Variants in GRM4 observed in about 807,000 individuals in gnomAD.
GRM4 encodes the protein metabotropic glutamate receptor 4.
A neutral mutation model predicts 81.7 loss-of-function variants in GRM4; 28 were observed. The observed-to-expected ratio is 0.34, with a 90% confidence interval of 0.25 to 0.47. The LOEUF (loss-of-function observed/expected upper bound fraction) is 0.47, where lower values mean the gene tolerates loss of function less well. Ranked by LOEUF, GRM4 falls within the 20% of genes least tolerant of loss-of-function variation. The pLI is 1.00. For synonymous variants in GRM4, 488 were observed against 528.8 expected, an observed-to-expected ratio of 0.92 and a Z score of 1.06; for missense variants, 948 against 1,290.0, an observed-to-expected ratio of 0.73 and a Z score of 4.06.
intron 6 of GRM4, among the ~76,000 whole-genome samples, chr6:34,044,269 T>TAC (rs1454187461): frequency 1.0e-5 from 1 of 99,914 alleles, no homozygotes; most frequent in African/African-American, 5.2e-5. Context: ...TACATACACA[T>TAC]ATACACATAC....
intron 2 of GRM4, among the ~76,000 whole-genome samples, chr6:34,097,291 A>G (rs1324181803): frequency 6.6e-6 from 1 of 152,054 alleles, no homozygotes; most frequent in Non-Finnish European, 1.5e-5. Context: ...ATTTGAGGCC[A>G]AGGTGTTCCA....
chr6:34,026,557 G>C (rs2127435178), intron 10 of GRM4, among the ~76,000 whole-genome samples: 2 of 152,212 alleles, frequency 1.3e-5, no homozygotes, highest in Middle Eastern at 3.4e-3. Flanking sequence ...GAGACCCCCA[G>C]GCCCCTCTGG....
At position 34,035,537 on chromosome 6, in the gene GRM4, A is replaced by AAAGAAGGCAGAATGAGTCAT. The variant is rs1562012195; in HGVS notation, c.2442+130_2442+131insATGACTCATTCTGCCTTCTT. 2 of 588,130 alleles carry AAAGAAGGCAGAATGAGTCAT rather than the reference A, an allele frequency of 3.4e-6. No individual in the cohort carries two copies. The highest frequency in any genetic ancestry group is 3.0e-6 in the Non-Finnish European group (1 of 332,862). 36.4% of individuals were successfully genotyped at this position (588,130 alleles called of 1,614,324 possible). A position where few individuals can be genotyped will look rare whatever the true frequency, so the allele number is the denominator to read the frequency against. ...GCATGAAAGAAGGCAGAATGAGGCAAGAAAGAAGGCAGAATGAGGCATGAA... is the reference window on the plus strand; with the variant it reads ...GCATGAAAGAAGGCAGAATGAGGCAAAAGAAGGCAGAATGAGTCATGAAAGAAGGCAGAATGAGGCATGAA... On this transcript the variant is annotated intron_variant, in intron 9 of 10. Transcript: ENST00000538487. The surrounding 1 kb of genome is among the most constrained non-coding windows in gnomAD (Gnocchi z 6.6).
chr6:34,038,268 C>G (rs1448470387), intron 8 of GRM4, among the ~76,000 whole-genome samples: 2 of 152,272 alleles, frequency 1.3e-5, no homozygotes, highest in Non-Finnish European at 2.9e-5. Flanking sequence ...GTTTTCTCAT[C>G]TGATCCAATG....
rs540052024 is a variant in GRM4 at position 34,018,807 on chromosome 6, G to T, written c.*4014C>A. On this transcript the variant is annotated 3_prime_UTR_variant, in exon 11 of 11. Transcript: ENST00000538487. ...GGTGCCGAGTGCCATTTAGTGCTGGGTTGGGGGTGGGGGTCTGAGCCCTGT... is the reference window on the plus strand; with the variant it reads ...GGTGCCGAGTGCCATTTAGTGCTGGTTTGGGGGTGGGGGTCTGAGCCCTGT... 4.0e-5 allele frequency: 6 copies of T among 151,764 alleles called. No homozygotes were observed. In the South Asian group the frequency reaches 6.3e-4, roughly 16 times the overall value. The allele number at this position is 151,764 out of a possible 1,614,324, so 9.4% of individuals were successfully genotyped here. A position where few individuals can be genotyped will look rare whatever the true frequency, so the allele number is the denominator to read the frequency against.
At chr6:34,086,190 G>C (rs1767879594) in intron 3 of GRM4, among the ~76,000 whole-genome samples, 1 of 152,240 alleles carries the variant, frequency 6.6e-6, no homozygotes, top group Non-Finnish European at 1.5e-5. Context: ...TTTACAGCCA[G>C]GGACGCCACA....
upstream of GRM4, among the ~76,000 whole-genome samples, chr6:34,146,854 G>A (rs1461657634): frequency 6.6e-6 from 1 of 152,186 alleles, no homozygotes; most frequent in Admixed American, 6.5e-5. Flanking sequence ...GAGGGTCTGG[G>A]AATAACAGGG....
intron 6 of GRM4, among the ~76,000 whole-genome samples, chr6:34,045,587 G>C (rs906365043): frequency 6.6e-6 from 1 of 152,212 alleles, no homozygotes; most frequent in Non-Finnish European, 1.5e-5. Context: ...TTTAGCCGCT[G>C]ACCTGCCTCC....
At chr6:34,096,181 C>T (rs1353466670) in intron 2 of GRM4, among the ~76,000 whole-genome samples, 1 of 152,162 alleles carries the variant, frequency 6.6e-6, no homozygotes, top group Non-Finnish European at 1.5e-5. Context: ...TTGTGTCACA[C>T]CCTCATGGGG....
chr6:34,125,593 C>A (rs976985787), intron 2 of GRM4, among the ~76,000 whole-genome samples: 30 of 152,260 alleles, frequency 2.0e-4, no homozygotes, highest in African/African-American at 6.3e-4. Context: ...AACTTCTGCC[C>A]CACTGGCCCC....
At position 34,080,133 on chromosome 6, in the gene GRM4, C is replaced by A. The variant is rs1767512708; in HGVS notation, c.736+11750G>T. On this transcript the variant is annotated intron_variant, in intron 3 of 10. Coordinates refer to ENST00000538487, the MANE Select transcript of GRM4 (RefSeq NM_000841.4). The surrounding 1 kb of genome is among the most constrained non-coding windows in gnomAD (Gnocchi z 5.4). The stretch of plus-strand genomic sequence containing the variant: ...CTCAGGGCCTTTGCACATGCCAGTT[C>A]CCCTGCCTGGGGCCCTCTTCCCACA... Among the ~76,000 whole-genome samples the A allele has an allele frequency of 6.6e-6, 1 of 152,156 alleles. No individual in the cohort carries two copies. The highest frequency in any genetic ancestry group is 1.5e-5 in the Non-Finnish European group (1 of 68,026).
rs946889380 is a variant in GRM4 at position 34,152,765 on chromosome 6, G to T, written c.312+2314C>A. Among the ~76,000 whole-genome samples the T allele has an allele frequency of 6.6e-6, 1 of 151,918 alleles. No homozygotes were observed. The highest frequency in any genetic ancestry group is 2.4e-5 in the African/African-American group (1 of 41,390). The stretch of plus-strand genomic sequence containing the variant: ...AAAAGAATCTTTAATTCATCAAACT[G>T]AAATATTAATAGAATTCTAACCAGC... On this transcript the variant is annotated intron_variant, in intron 1 of 8. Coordinates refer to the GRM4 transcript ENST00000374177. The surrounding 1 kb of genome is among the most constrained non-coding windows in gnomAD (Gnocchi z 4.1).
At chr6:34,084,533 C>T (rs547703220) in intron 3 of GRM4, among the ~76,000 whole-genome samples, 2 of 152,114 alleles carry the variant, frequency 1.3e-5, no homozygotes, top group Non-Finnish European at 2.9e-5. Context: ...TGGCTCTGAG[C>T]CTCAATGGCA....
At chr6:34,027,688 G>T (rs1380271292) in intron 10 of GRM4, among the ~76,000 whole-genome samples, 2 of 152,186 alleles carry the variant, frequency 1.3e-5, no homozygotes, top group African/African-American at 2.4e-5. Flanking sequence ...AGGGCCCCGG[G>T]GACGATTCCT....
upstream of GRM4, among the ~76,000 whole-genome samples, chr6:34,148,720 C>T (rs1770990270): frequency 1.3e-5 from 2 of 152,176 alleles, no homozygotes; most frequent in African/African-American, 2.4e-5. Context: ...AACCATGTGA[C>T]GTGGGGGAGC....
chr6:34,118,663 T>C (rs1055712986), intron 2 of GRM4, among the ~76,000 whole-genome samples: 2 of 152,226 alleles, frequency 1.3e-5, no homozygotes, highest in Non-Finnish European at 2.9e-5. Context: ...CTCTGTCCCA[T>C]TGCAGTTTCT....
chr6:34,151,837 G>T (rs1346601428), intron 1 of GRM4, among the ~76,000 whole-genome samples: 1 of 152,124 alleles, frequency 6.6e-6, no homozygotes, highest in Non-Finnish European at 1.5e-5. Context: ...ACAGCACTCA[G>T]GGTCCTCACA....
chr6:34,154,717 C>T (rs963790347), intron 1 of GRM4, among the ~76,000 whole-genome samples: 2 of 152,196 alleles, frequency 1.3e-5, no homozygotes, highest in South Asian at 2.1e-4. Context: ...GGAGTCGGCA[C>T]CCCGGCCCGG....
rs957683293 is a variant in GRM4 at position 34,035,544 on chromosome 6, A to C, written c.2442+124T>G. The C allele has an allele frequency of 8.4e-6, 3 of 358,326 alleles. No homozygotes were observed. Among genetic ancestry groups the C allele is most frequent in the Non-Finnish European group, 1.3e-5 (3 of 224,944 alleles). The allele number at this position is 358,326 out of a possible 1,614,324, so 22.2% of individuals were successfully genotyped here. A position where few individuals can be genotyped will look rare whatever the true frequency, so the allele number is the denominator to read the frequency against. On this transcript the variant is annotated intron_variant, in intron 9 of 10. Transcript: ENST00000538487. This position sits in a 1 kb window ranked among gnomAD's most constrained non-coding sequence, Gnocchi z 6.6. ...AGAAGGCAGAATGAGGCAAGAAAGA[A>C]GGCAGAATGAGGCATGAAAGAAGGC...
Sources: allele counts gnomAD v4.1 joint callset (sites outside exome capture counted in the v4.1 genomes callset), GRCh38; gene constraint gnomAD v4.1.1; non-coding constraint Gnocchi (gnomAD v3.1); transcripts MANE v1.5; gene names NCBI Gene and HGNC (gene_info 2026-07-23, HGNC 2026-07-21).